The following C6 variants were observed in gnomAD, a reference collection of about 807,000 sequenced individuals.
C6 encodes the protein complement C6.
C6 carries 101 observed loss-of-function variants against 112.9 expected under a neutral mutation model. That is an observed-to-expected ratio of 0.89 (90% CI 0.76 to 1.06). The LOEUF is 1.06. Among genes scored for constraint, C6 ranks in the 50% least tolerant of loss-of-function variants. The pLI is 0.00. For missense variants in C6, 1,202 were observed against 1,104.6 expected, an observed-to-expected ratio of 1.09 and a Z score of -1.25; for synonymous variants, 431 against 384.1, an observed-to-expected ratio of 1.12 and a Z score of -1.43.
intron 5 of C6, among the ~76,000 whole-genome samples, chr5:41,193,414 C>A (rs1033374360): frequency 3.9e-5 from 6 of 152,196 alleles, no homozygotes; most frequent in African/African-American, 1.4e-4. Context: ...TTTAGTGTTT[C>A]ACATACAGCA....
At chr5:41,218,624 C>A (rs1202357087) in intron 1 of C6, among the ~76,000 whole-genome samples, 1 of 152,114 alleles carries the variant, frequency 6.6e-6, no homozygotes, top group Non-Finnish European at 1.5e-5. Context: ...TCCTGTAGGA[C>A]CCACTGAGCT....
intron 1 of C6, among the ~76,000 whole-genome samples, chr5:41,219,267 G>C (rs1739021078): frequency 6.6e-6 from 1 of 152,126 alleles, no homozygotes; most frequent in Non-Finnish European, 1.5e-5. Flanking sequence ...GAAAAAGGAA[G>C]CTGGAAATCA....
intron 12 of C6, 131 bp from the exon 13 acceptor site, chr5:41,158,916 GA>G: frequency 7.5e-6 from 8 of 1,071,360 alleles, no homozygotes; most frequent in African/African-American, 1.6e-5. Context: ...ATTACACACA[GA>G]AAAAGGCACG....
chr5:41,163,770 G>T (rs956742983), intron 9 of C6, among the ~76,000 whole-genome samples: 1 of 152,126 alleles, frequency 6.6e-6, no homozygotes, highest in African/African-American at 2.4e-5. Flanking sequence ...TAGTAAAAAT[G>T]TATAAATTAG....
At chr5:41,166,326 A>G (rs1303636237) in intron 9 of C6, among the ~76,000 whole-genome samples, 1 of 152,150 alleles carries the variant, frequency 6.6e-6, no homozygotes, top group Non-Finnish European at 1.5e-5. Flanking sequence ...CAAGCTAAAT[A>G]GAAATACTCA....
intron 7 of C6, among the ~76,000 whole-genome samples, chr5:41,178,473 T>C (rs960864072): frequency 2.3e-4 from 15 of 65,462 alleles, no homozygotes; most frequent in East Asian, 1.5e-3. Context: ...TTTCTTTTTT[T>C]TTTTTTTTTT....
chr5:41,190,904 T>C (rs1329896431), intron 5 of C6, among the ~76,000 whole-genome samples: 2 of 152,086 alleles, frequency 1.3e-5, no homozygotes, highest in Non-Finnish European at 2.9e-5. Flanking sequence ...CAAAAATCAG[T>C]TGGTTGTAAA....
At chr5:41,191,609 C>A (rs1750220777) in intron 5 of C6, among the ~76,000 whole-genome samples, 1 of 152,100 alleles carries the variant, frequency 6.6e-6, no homozygotes, top group Non-Finnish European at 1.5e-5. Flanking sequence ...TTATAGTTTT[C>A]CTTGCAGAGA....
At chr5:41,233,487 A>T (rs1740036465) in intron 1 of C6, among the ~76,000 whole-genome samples, 1 of 152,128 alleles carries the variant, frequency 6.6e-6, no homozygotes. Context: ...CACATATAGA[A>T]TATTTACAAG....
At chr5:41,169,088 T>C (rs561312316) in intron 9 of C6, among the ~76,000 whole-genome samples, 4 of 152,206 alleles carry the variant, frequency 2.6e-5, no homozygotes, top group South Asian at 4.1e-4. Context: ...AGGATATGGA[T>C]CTAGTAACCA....
rs184103234 is a variant in C6 at position 41,158,067 on chromosome 5, G to C, written c.1968+607C>G. Among the ~76,000 whole-genome samples, 209 of 152,204 alleles carry C rather than the reference G, an allele frequency of 1.4e-3. 5 individuals are homozygous for C. In the East Asian group the frequency reaches 0.038, roughly 28 times the overall value. On this transcript the variant is annotated intron_variant, in intron 13 of 17. Transcript: ENST00000337836. ...AGTTTAAGAAAGGTAAAATGAAATA[G>C]GAAGCATGACTTCTGTGATCACTTT...
At chr5:41,247,861 A>C (rs1009446275) in intron 1 of C6, among the ~76,000 whole-genome samples, 3 of 152,262 alleles carry the variant, frequency 2.0e-5, no homozygotes, top group South Asian at 2.1e-4. Flanking sequence ...TCATATATTC[A>C]AACCAAAAAA....
At chr5:41,260,568 G>A (rs904896580) in intron 1 of C6, among the ~76,000 whole-genome samples, 2 of 151,606 alleles carry the variant, frequency 1.3e-5, no homozygotes, top group African/African-American at 2.4e-5. Flanking sequence ...TTGGGAGTTC[G>A]AGACCAGCCT....
Position 41,142,971 on chromosome 5 carries a change from G to A in C6, c.2659C>T (p.Gln887Ter), listed in dbSNP as rs765939338. 1 of 1,613,560 alleles carries A rather than the reference G, an allele frequency of 6.2e-7. No homozygotes were observed. The highest frequency in any genetic ancestry group is 1.3e-5 in the African/African-American group (1 of 74,948). Residue 887 changes from glutamine to a stop codon, truncating the protein, a stop_gained, in exon 18 of 18, where the codon CAG (glutamine) becomes TAG (stop). Transcript: ENST00000337836. LOFTEE classifies it high-confidence loss of function. Reference protein sequence around the residue: ...TSKCVCLLPPQCFKGGNQLYC... With the variant: ...TSKCVCLLPP ...AGTTGGTTTCCACCCTTGAAGCACT[G>A]TGGGGGCAATAGGCAGACACATTTG...
intron 17 of C6, among the ~76,000 whole-genome samples, chr5:41,146,921 CA>C (rs373241654): frequency 0.057 from 8,298 of 144,692 alleles, 259 homozygotes; most frequent in African/African-American, 0.092. Flanking sequence ...GGGAAGATAG[CA>C]AAAAAAAAAA....
At chr5:41,161,578 A>T (rs1227803275) in intron 10 of C6, 115 bp downstream of exon 10, 4 of 879,444 alleles carry the variant, frequency 4.5e-6, no homozygotes, top group Admixed American at 1.7e-5. Flanking sequence ...AATACTAAAG[A>T]AAGGCATTTC....
chr5:41,172,271 T>C lies in C6; in HGVS notation c.1245A>G (p.Lys415=). Residue 415 remains lysine, a synonymous_variant, in exon 9 of 18, where the codon AAA becomes AAG. Coordinates refer to ENST00000337836, the MANE Select transcript of C6 (RefSeq NM_000065.5). ...TGTTGGTGGTGCACCTATGTTCCAC[T>C]TTTGTTTTCTTAGCAAATAAAACGC... ...KKRVLFAKKT[K]VEHRCTTNKL... is the part of the protein sequence containing the mutation. 6.2e-7 allele frequency: 1 copy of C among 1,613,728 alleles called. No individual in the cohort carries two copies. The highest frequency in any genetic ancestry group is 8.5e-7 in the Non-Finnish European group (1 of 1,179,684).
chr5:41,215,204 A>G (rs1468023175), upstream of C6, among the ~76,000 whole-genome samples: 1 of 152,164 alleles, frequency 6.6e-6, no homozygotes, highest in East Asian at 1.9e-4. Context: ...CTTTTGTGCT[A>G]CAATGGTAGA....
chr5:41,248,913 G>C (rs554020140), intron 1 of C6, among the ~76,000 whole-genome samples: 3 of 152,202 alleles, frequency 2.0e-5, no homozygotes, highest in African/African-American at 7.2e-5. Flanking sequence ...GATATGGAAT[G>C]AATCTAGGTG....
Sources: allele counts gnomAD v4.1 joint callset (sites outside exome capture counted in the v4.1 genomes callset), GRCh38; gene constraint gnomAD v4.1.1; transcripts MANE v1.5; gene names NCBI Gene and HGNC (gene_info 2026-07-23, HGNC 2026-07-21).